The following PIK3CA variants were observed in gnomAD, a reference collection of about 807,000 sequenced individuals.
PIK3CA encodes phosphatidylinositol 4,5-bisphosphate 3-kinase catalytic subunit alpha isoform.
In PIK3CA, 27 loss-of-function variants were observed where a neutral mutation model predicts 138.2. The observed-to-expected ratio is 0.20, with a 90% CI of 0.14 to 0.27. The LOEUF (loss-of-function observed/expected upper bound fraction) is 0.27, where lower values mean the gene tolerates loss of function less well. Ranked by LOEUF, PIK3CA falls within the 10% of genes least tolerant of loss-of-function variation. The probability of loss-of-function intolerance (pLI) is 1.00; values close to 1 mark genes in which losing one functional copy is unlikely to be tolerated. For synonymous variants in PIK3CA, 358 were observed against 413.2 expected, an observed-to-expected ratio of 0.87 and a Z score of 1.62; for missense variants, 544 against 1,277.4, an observed-to-expected ratio of 0.43 and a Z score of 8.75.
chr3:179,207,856 A>C (rs1360545004), intron 6 of PIK3CA, among the ~76,000 whole-genome samples: 1 of 152,058 alleles, frequency 6.6e-6, no homozygotes, highest in African/African-American at 2.4e-5. Context: ...TAAGTCCCAT[A>C]ATATTTTTCT....
At chr3:179,169,186 C>G (rs1361433216) in intron 1 of PIK3CA, 6 of 152,168 alleles carry the variant, frequency 3.9e-5, no homozygotes, top group Non-Finnish European at 8.8e-5. Flanking sequence ...TTTCACAGCC[C>G]CACAAGCCCT....
rs555315457 is a variant in PIK3CA, at chr3:179,210,353, G to A, written c.1404+15G>A. 6.3e-7 allele frequency: 1 copy of A among 1,583,674 alleles called. No homozygotes were observed. Among genetic ancestry groups the A allele is most frequent in the Non-Finnish European group, 8.5e-7 (1 of 1,171,058 alleles). ...ATCCAAATAAAGTAAGGTTTTTATT[G>A]TCATAAATTAGATATTTTTTATGGC... On this transcript the variant is annotated intron_variant, in intron 8 of 20. Transcript: ENST00000263967.
intron 1 of PIK3CA, among the ~76,000 whole-genome samples, chr3:179,186,887 G>A (rs756180191): frequency 1.3e-5 from 2 of 152,088 alleles, no homozygotes; most frequent in Admixed American, 6.6e-5. Flanking sequence ...TTTTCATTGA[G>A]GCAACCAGGT....
At chr3:179,177,363 C>T (rs1449162998) in intron 1 of PIK3CA, among the ~76,000 whole-genome samples, 1 of 144,254 alleles carries the variant, frequency 6.9e-6, no homozygotes, top group African/African-American at 2.6e-5. Context: ...CCCAGGCTGG[C>T]GTGCAGTGGC....
intron 14 of PIK3CA, among the ~76,000 whole-genome samples, chr3:179,223,075 G>A (rs773671735): frequency 6.6e-6 from 1 of 152,160 alleles, no homozygotes; most frequent in Non-Finnish European, 1.5e-5. Context: ...ACTTTGAGTG[G>A]CTTTGTGTTT....
intron 1 of PIK3CA, among the ~76,000 whole-genome samples, chr3:179,190,474 G>C (rs944320080): frequency 7.2e-5 from 11 of 152,086 alleles, no homozygotes; most frequent in African/African-American, 2.4e-4. Context: ...ACTGACTCTA[G>C]AAATATTTAA....
chr3:179,206,779 G>A (rs560252754), intron 6 of PIK3CA, among the ~76,000 whole-genome samples: 4 of 152,148 alleles, frequency 2.6e-5, no homozygotes, highest in African/African-American at 7.2e-5. Context: ...AGCCTGGGAT[G>A]GTGGTGTGTG....
chr3:179,171,165 G>A (rs538645015), intron 1 of PIK3CA, among the ~76,000 whole-genome samples: 48 of 152,190 alleles, frequency 3.2e-4, no homozygotes, highest in African/African-American at 1.1e-3. Context: ...CCCCAAATAT[G>A]TGCAAATGAA....
At chr3:179,169,002 G>A (rs983249159) in intron 1 of PIK3CA, 7 of 151,984 alleles carry the variant, frequency 4.6e-5, no homozygotes, top group Non-Finnish European at 7.4e-5. Context: ...AGAAGAGAAG[G>A]TTTGGTTAAA....
chr3:179,234,531 C>T lies in PIK3CA; in HGVS notation c.*167C>T, dbSNP rs201682121. On this transcript the variant is annotated 3_prime_UTR_variant, in exon 21 of 21. Transcript: ENST00000263967. The surrounding 1 kb of genome is among the most constrained non-coding windows in gnomAD (Gnocchi z 5.1). ...CTATATAATTTAAATAATGTAAACGCAAACAGGGTTTGATAGCACTTAAAC... is the reference window on the plus strand; with the variant it reads ...CTATATAATTTAAATAATGTAAACGTAAACAGGGTTTGATAGCACTTAAAC... The T allele has an allele frequency of 4.8e-5, 23 of 478,452 alleles. No individual in the cohort carries two copies. Among genetic ancestry groups the T allele is most frequent in the Middle Eastern group, 4.1e-4 (1 of 2,462 alleles). 29.6% of individuals were successfully genotyped at this position (478,452 alleles called of 1,614,324 possible).
chr3:179,203,407 A>G lies in PIK3CA; in HGVS notation c.814-137A>G. 6.2e-6 allele frequency: 4 copies of G among 646,008 alleles called. No homozygotes were observed. In the East Asian group the frequency reaches 8.3e-5, roughly 13 times the overall value. The allele number at this position is 646,008 out of a possible 1,614,324, so 40.0% of individuals were successfully genotyped here. ...TGTTAGTATTTTAAATGTTATAGGA[A>G]CTACTAGTAAATGTGGTCTATAATG... is the stretch of plus-strand genomic sequence containing the variant. On this transcript the variant is annotated intron_variant, in intron 4 of 20. Coordinates refer to ENST00000263967, the MANE Select transcript of PIK3CA (RefSeq NM_006218.4).
intron 17 of PIK3CA, among the ~76,000 whole-genome samples, chr3:179,226,404 T>C (rs899448508): frequency 6.6e-6 from 1 of 152,116 alleles, no homozygotes; most frequent in Non-Finnish European, 1.5e-5. Flanking sequence ...TCCTCAAATA[T>C]TGGAATCAGT....
chr3:179,190,351 G>A (rs142195372), intron 1 of PIK3CA, among the ~76,000 whole-genome samples: 103 of 105,620 alleles, frequency 9.8e-4, no homozygotes, highest in African/African-American at 3.2e-3. Context: ...TCCTGAAAAA[G>A]TTCATAGCCT....
intron 1 of PIK3CA, among the ~76,000 whole-genome samples, chr3:179,186,939 G>A (rs1376430270): frequency 6.6e-6 from 1 of 152,056 alleles, no homozygotes. Flanking sequence ...TATACAGTTG[G>A]TCCTGAAATG....
chr3:179,210,367 A>AT (rs770393734), intron 8 of PIK3CA, 29 bp downstream of exon 8: 2 of 1,582,606 alleles, frequency 1.3e-6, no homozygotes, highest in Admixed American at 2.0e-5. Context: ...TAAATTAGAT[A>AT]TTTTTTATGG....
At chr3:179,171,960 A>C (rs1191301116) in intron 1 of PIK3CA, among the ~76,000 whole-genome samples, 3 of 152,124 alleles carry the variant, frequency 2.0e-5, no homozygotes, top group Non-Finnish European at 4.4e-5. Context: ...AGTATTCCTC[A>C]TAAATGTAGA....
chr3:179,203,841 C>T (rs749642676), intron 5 of PIK3CA, 52 bp downstream of exon 5: 1 of 1,364,944 alleles, frequency 7.3e-7, no homozygotes. Flanking sequence ...TTTAGATAAC[C>T]TTTTTCTTGC....
chr3:179,179,232 C>T (rs1309265913), intron 1 of PIK3CA, among the ~76,000 whole-genome samples: 2 of 152,222 alleles, frequency 1.3e-5, no homozygotes, highest in Admixed American at 6.5e-5. Flanking sequence ...ATGCTGGAAA[C>T]AGCCCACATA....
At chr3:179,223,227 A>C (rs1292399332) in intron 14 of PIK3CA, among the ~76,000 whole-genome samples, 1 of 152,232 alleles carries the variant, frequency 6.6e-6, no homozygotes, top group Non-Finnish European at 1.5e-5. Context: ...TATAACAAGA[A>C]GAAAAAAACT....
Sources: gnomAD v4.1 joint callset for allele counts (sites outside exome capture counted in the v4.1 genomes callset) on GRCh38, gnomAD v4.1.1 for gene constraint, Gnocchi (gnomAD v3.1) non-coding constraint, MANE v1.5 for transcripts, NCBI Gene and HGNC (gene_info 2026-07-23, HGNC 2026-07-21) for gene names.